FHIT: variants seen among roughly 807,000 people sequenced by gnomAD.
FHIT encodes fragile histidine triad diadenosine triphosphatase.
In FHIT, 19 loss-of-function variants were observed where a neutral mutation model predicts 17.9. The ratio of observed to expected loss-of-function variants is 1.06; its 90% CI spans 0.74 to 1.56. The LOEUF (loss-of-function observed/expected upper bound fraction) is 1.56. FHIT is among the 40% of genes most tolerant of loss of function. FHIT has a pLI of 0.00. For synonymous variants in FHIT, 81 were observed against 69.7 expected (o/e 1.16, Z -0.81); for missense variants, 248 against 189.2 (o/e 1.31, Z -1.82).
At chr3:60,729,384 A>G (rs1553710543) in intron 4 of FHIT, among the ~76,000 whole-genome samples, 1 of 152,252 alleles carries the variant, frequency 6.6e-6, no homozygotes, top group Non-Finnish European at 1.5e-5. Context: ...AAATGGTTGT[A>G]TGCGGCTTGT....
At chr3:60,684,920 A>C (rs922741292) in intron 4 of FHIT, among the ~76,000 whole-genome samples, 1 of 152,216 alleles carries the variant, frequency 6.6e-6, no homozygotes, top group South Asian at 2.1e-4. Context: ...TTGGAAAAAC[A>C]GCAGATACAA....
chr3:59,849,086 C>A (rs1034086232), intron 8 of FHIT, among the ~76,000 whole-genome samples: 3 of 152,140 alleles, frequency 2.0e-5, no homozygotes, highest in African/African-American at 7.2e-5. Flanking sequence ...AAATAAGATT[C>A]TCGGCCAGGC....
chr3:60,086,631 A>AGC (rs1251622248), intron 5 of FHIT, among the ~76,000 whole-genome samples: 1 of 152,190 alleles, frequency 6.6e-6, no homozygotes. Context: ...GAAAGAGAAA[A>AGC]CAGGCCCTGT....
chr3:60,589,718 T>C (rs908136328), intron 4 of FHIT, among the ~76,000 whole-genome samples: 1 of 152,106 alleles, frequency 6.6e-6, no homozygotes, highest in Non-Finnish European at 1.5e-5. Flanking sequence ...TTTAAACTTC[T>C]ATTAATAGTA....
intron 8 of FHIT, among the ~76,000 whole-genome samples, chr3:59,865,043 C>T (rs2106868431): frequency 6.6e-6 from 1 of 152,234 alleles, no homozygotes; most frequent in Non-Finnish European, 1.5e-5. Flanking sequence ...CCATTTCTGA[C>T]TCCTCCACTC....
At chr3:60,615,127 G>A (rs941474517) in intron 4 of FHIT, among the ~76,000 whole-genome samples, 2 of 152,068 alleles carry the variant, frequency 1.3e-5, no homozygotes, top group South Asian at 2.1e-4. Flanking sequence ...TATATCAAAT[G>A]ACCGTTCTTG....
chr3:60,276,686 T>C (rs1229577497), intron 5 of FHIT, among the ~76,000 whole-genome samples: 1 of 152,178 alleles, frequency 6.6e-6, no homozygotes, highest in Admixed American at 6.5e-5. Flanking sequence ...TATTTGGCTA[T>C]GGATCTGTAG....
chr3:60,625,589 T>A lies in FHIT; in HGVS notation c.-17-88610A>T, dbSNP rs144454746. On this transcript the variant is annotated intron_variant, in intron 4 of 9. Transcript: ENST00000492590. ...GATAAATATCTATTCAGACCTTTTA[T>A]CCATTTTTTAAATTGGGTTTATACA... 3.1e-3 allele frequency among the ~76,000 whole-genome samples: 477 copies of A among 152,324 alleles called. 2 individuals are homozygous for A. Among genetic ancestry groups the A allele is most frequent in the African/African-American group, 0.011 (460 of 41,580 alleles).
intron 3 of FHIT, among the ~76,000 whole-genome samples, chr3:61,014,346 T>C (rs1312537405): frequency 5.9e-5 from 9 of 152,106 alleles, no homozygotes; most frequent in Non-Finnish European, 8.8e-5. Context: ...CCTAGAACAG[T>C]ATGAGGTATA....
chr3:59,886,896 T>C (rs1280114127), intron 8 of FHIT, among the ~76,000 whole-genome samples: 1 of 152,186 alleles, frequency 6.6e-6, no homozygotes. Flanking sequence ...CATTCATTTA[T>C]TGAGAACCAA....
At chr3:60,829,642 G>A (rs536549460) in intron 3 of FHIT, among the ~76,000 whole-genome samples, 6 of 152,106 alleles carry the variant, frequency 3.9e-5, no homozygotes, top group Non-Finnish European at 7.4e-5. Flanking sequence ...TGTAGTATTC[G>A]TGGTACCTAA....
At chr3:61,190,258 C>A (rs1358675414) in intron 2 of FHIT, among the ~76,000 whole-genome samples, 4 of 152,032 alleles carry the variant, frequency 2.6e-5, no homozygotes, top group African/African-American at 7.2e-5. Flanking sequence ...ACCCCATCAA[C>A]AAGTGGGTGA....
chr3:60,221,805 CA>C (rs1250356579), intron 5 of FHIT, among the ~76,000 whole-genome samples: 1 of 152,140 alleles, frequency 6.6e-6, no homozygotes, highest in Non-Finnish European at 1.5e-5. Context: ...TTGATCTCCT[CA>C]GAGACTATCC....
At chr3:60,345,558 C>T (rs948393810) in intron 5 of FHIT, among the ~76,000 whole-genome samples, 4 of 152,254 alleles carry the variant, frequency 2.6e-5, no homozygotes, top group Middle Eastern at 3.4e-3. Flanking sequence ...TAGACTAGAA[C>T]GAGAACCTAG....
intron 5 of FHIT, among the ~76,000 whole-genome samples, chr3:60,478,318 T>A (rs1450885038): frequency 6.6e-6 from 1 of 152,198 alleles, no homozygotes; most frequent in African/African-American, 2.4e-5. Context: ...TTAACTAACC[T>A]GGGTCTTTTG....
chr3:61,169,510 T>C lies in FHIT; in HGVS notation c.-164+31107A>G, dbSNP rs1263835698. On this transcript the variant is annotated intron_variant, in intron 2 of 9. Coordinates refer to ENST00000492590, the MANE Select transcript of FHIT (RefSeq NM_002012.4). Reference sequence around the variant, plus strand: ...AAAGATTAGTAAGAATTCAGATTTATTTCAAAATCTATCTTTAAAAACTTT... The same window carrying C: ...AAAGATTAGTAAGAATTCAGATTTACTTCAAAATCTATCTTTAAAAACTTT... 5.9e-5 allele frequency among the ~76,000 whole-genome samples: 9 copies of C among 152,234 alleles called. 1 individual carries two copies. Among genetic ancestry groups the C allele is most frequent in the Non-Finnish European group, 1.5e-5 (1 of 68,034 alleles).
chr3:60,916,318 T>C (rs2107293441), intron 3 of FHIT, among the ~76,000 whole-genome samples: 1 of 152,314 alleles, frequency 6.6e-6, no homozygotes, highest in East Asian at 1.9e-4. Context: ...TGCATTCTAT[T>C]TTGATAGTTA....
At chr3:59,807,743 G>C (rs1700257970) in intron 8 of FHIT, among the ~76,000 whole-genome samples, 1 of 152,168 alleles carries the variant, frequency 6.6e-6, no homozygotes, top group African/African-American at 2.4e-5. Context: ...CACAGGGTGA[G>C]TAGTCATGAG....
chr3:60,238,004 G>A (rs971544825), intron 5 of FHIT, among the ~76,000 whole-genome samples: 3 of 151,970 alleles, frequency 2.0e-5, no homozygotes, highest in African/African-American at 7.2e-5. Flanking sequence ...AAATCAGCCA[G>A]GAATGGTGGT....
Sources: allele counts gnomAD v4.1 joint callset (sites outside exome capture counted in the v4.1 genomes callset), GRCh38; gene constraint gnomAD v4.1.1; transcripts MANE v1.5; gene names NCBI Gene and HGNC (gene_info 2026-07-23, HGNC 2026-07-21).